ARAP2: variants seen among roughly 807,000 people sequenced by gnomAD.
ARAP2 encodes the protein arf-GAP with Rho-GAP domain, ANK repeat and PH domain-containing protein 2.
In ARAP2, 148 loss-of-function variants were observed where a neutral mutation model predicts 194.5. The ratio of observed to expected loss-of-function variants is 0.76; its 90% CI spans 0.67 to 0.87. The LOEUF (loss-of-function observed/expected upper bound fraction) is 0.87. Among genes scored for constraint, ARAP2 ranks in the 40% least tolerant of loss-of-function variants. The probability of loss-of-function intolerance (pLI) is 0.00; values close to 1 mark genes in which losing one functional copy is unlikely to be tolerated. For synonymous variants in ARAP2, 695 were observed against 683.5 expected (o/e 1.02, Z -0.26); for missense variants, 2,128 against 1,989.7 (o/e 1.07, Z -1.32).
intron 8 of ARAP2, among the ~76,000 whole-genome samples, chr4:36,182,558 A>G (rs1739544827): frequency 6.6e-6 from 1 of 152,068 alleles, no homozygotes; most frequent in Non-Finnish European, 1.5e-5. Flanking sequence ...TGGAGCGTAA[A>G]GTGAACTGAC....
At chr4:36,038,860 T>A (rs1418817173) in intron 5 of ARAP2, among the ~76,000 whole-genome samples, 2 of 152,208 alleles carry the variant, frequency 1.3e-5, no homozygotes, top group Non-Finnish European at 2.9e-5. Context: ...ATGTTAAGAA[T>A]GGAAAGCAAT....
chr4:36,018,555 C>T (rs879510949), intron 6 of ARAP2, among the ~76,000 whole-genome samples: 1 of 151,890 alleles, frequency 6.6e-6, no homozygotes, highest in Non-Finnish European at 1.5e-5. Context: ...TAAATGAGAG[C>T]ACCACCACAT....
At chr4:36,231,460 T>C (rs941654264) in intron 1 of ARAP2, among the ~76,000 whole-genome samples, 2 of 152,208 alleles carry the variant, frequency 1.3e-5, no homozygotes, top group African/African-American at 2.4e-5. Context: ...AACAAGTGTA[T>C]TGTCTATTTT....
chr4:36,057,075 T>C (rs1315526806), intron 2 of ARAP2, among the ~76,000 whole-genome samples: 1 of 151,728 alleles, frequency 6.6e-6, no homozygotes, highest in Admixed American at 6.6e-5. Flanking sequence ...CAGTGCAGCT[T>C]GACTGAGGAA....
Position 36,067,526 on chromosome 4 carries a change from A to C in ARAP2, c.*381T>G, listed in dbSNP as rs955741582. The C allele has an allele frequency of 1.3e-5, 2 of 156,094 alleles. No individual in the cohort carries two copies. Among genetic ancestry groups the C allele is most frequent in the South Asian group, 2.1e-4 (1 of 4,872 alleles). 9.7% of individuals were successfully genotyped at this position (156,094 alleles called of 1,614,324 possible). On this transcript the variant is annotated 3_prime_UTR_variant, in exon 33 of 33. Transcript: ENST00000303965. ...TACAAGGTTTCTCAAAGTGCAAAAT[A>C]TGTTACAGATAGTTTCTTAGGCTTC...
At chr4:36,172,997 T>C (rs995567672) in intron 9 of ARAP2, among the ~76,000 whole-genome samples, 1 of 152,122 alleles carries the variant, frequency 6.6e-6, no homozygotes, top group Non-Finnish European at 1.5e-5. Flanking sequence ...GAACATTATG[T>C]TGGGGGGGAA....
At position 36,067,851 on chromosome 4, in the gene ARAP2, A is replaced by C; in HGVS notation, c.*56T>G. The C allele has an allele frequency of 6.6e-7, 1 of 1,505,078 alleles. No homozygotes were observed. The highest frequency in any genetic ancestry group is 8.9e-7 in the Non-Finnish European group (1 of 1,125,686). 93.2% of individuals were successfully genotyped at this position (1,505,078 alleles called of 1,614,324 possible). ...TTATAGTTCAGTTTTGGAGTTACAC[A>C]TAAAGATTGCATACAATATTAAAAA... is the stretch of plus-strand genomic sequence containing the variant. On this transcript the variant is annotated 3_prime_UTR_variant, in exon 33 of 33. Transcript: ENST00000303965.
chr4:36,144,545 T>C (rs942580393), intron 19 of ARAP2, among the ~76,000 whole-genome samples: 8 of 151,656 alleles, frequency 5.3e-5, no homozygotes, highest in African/African-American at 1.5e-4. Flanking sequence ...TAAGTAAAAA[T>C]GCAAAGTCCT....
intron 1 of ARAP2, among the ~76,000 whole-genome samples, chr4:36,237,354 C>T (rs1752640064): frequency 6.6e-6 from 1 of 152,158 alleles, no homozygotes; most frequent in African/African-American, 2.4e-5. Flanking sequence ...TCTAGAAGTC[C>T]ACCTGATATG....
chr4:36,220,281 A>G lies in ARAP2; in HGVS notation c.906-5801T>C, dbSNP rs529117179. On this transcript the variant is annotated intron_variant, in intron 2 of 32. Coordinates refer to ENST00000303965, the MANE Select transcript of ARAP2 (RefSeq NM_015230.4). ...CATCCCCGGCACGTTTTGATCAATGACAGACTGAACATATGACAGTGATCC... is the reference window on the plus strand; with the variant it reads ...CATCCCCGGCACGTTTTGATCAATGGCAGACTGAACATATGACAGTGATCC... Among the ~76,000 whole-genome samples, 249 of 152,246 alleles carry G rather than the reference A, an allele frequency of 1.6e-3. 2 individuals carry two copies. The highest frequency in any genetic ancestry group is 2.9e-3 in the Non-Finnish European group (195 of 67,992).
At chr4:36,231,345 A>G (rs1751421388) in intron 1 of ARAP2, among the ~76,000 whole-genome samples, 1 of 151,918 alleles carries the variant, frequency 6.6e-6, no homozygotes, top group Non-Finnish European at 1.5e-5. Context: ...AAAAATAAAT[A>G]AATAAATAAA....
At chr4:36,189,406 G>A (rs1486805301) in intron 7 of ARAP2, among the ~76,000 whole-genome samples, 1 of 152,074 alleles carries the variant, frequency 6.6e-6, no homozygotes, top group African/African-American at 2.4e-5. Flanking sequence ...ATCTCTCTGT[G>A]TTGGAAACAT....
chr4:36,031,304 T>C (rs540660595), intron 5 of ARAP2, among the ~76,000 whole-genome samples: 30 of 152,232 alleles, frequency 2.0e-4, no homozygotes, highest in Non-Finnish European at 4.1e-4. Flanking sequence ...TGTCCTTGTA[T>C]ACAACCATTC....
chr4:36,014,288 A>AAG (rs1715229888), intron 8 of ARAP2, among the ~76,000 whole-genome samples: 1 of 134,832 alleles, frequency 7.4e-6, no homozygotes, highest in African/African-American at 2.7e-5. Context: ...AAAGAAAGAA[A>AAG]GAAAGAAAGA....
downstream of ARAP2, chr4:36,065,791 C>A (rs545396125): frequency 2.1e-4 from 32 of 152,626 alleles, 1 homozygote; most frequent in African/African-American, 7.2e-4. Flanking sequence ...CTCGTCAATA[C>A]AGGCCACAGA....
intron 2 of ARAP2, among the ~76,000 whole-genome samples, chr4:36,218,722 T>G (rs76046406): frequency 0.014 from 2,083 of 152,246 alleles, 46 homozygotes; most frequent in African/African-American, 0.041. Context: ...TAAATTTGAC[T>G]AAATTAAGAT....
chr4:36,175,874 AC>A (rs1450091978), intron 9 of ARAP2, among the ~76,000 whole-genome samples: 2 of 152,098 alleles, frequency 1.3e-5, no homozygotes, highest in Non-Finnish European at 2.9e-5. Flanking sequence ...CTATTATTGC[AC>A]TGACCTCACC....
chr4:36,092,328 G>A lies in ARAP2; in HGVS notation c.4286-308C>T, dbSNP rs995485880. On this transcript the variant is annotated intron_variant, in intron 27 of 32. Transcript: ENST00000303965. ...GACTTTATATGAAAAAATATATATC[G>A]GCTGGGCGCAGTGGCTCACACCTGT... Among the ~76,000 whole-genome samples, 7 of 152,184 alleles carry A rather than the reference G, an allele frequency of 4.6e-5. No homozygotes were observed. In the South Asian group the frequency reaches 1.2e-3, roughly 27 times the overall value.
chr4:36,053,321 TA>T (rs1385017627), intron 2 of ARAP2, among the ~76,000 whole-genome samples: 92 of 144,316 alleles, frequency 6.4e-4, no homozygotes, highest in Middle Eastern at 3.6e-3. Context: ...CAGTTTTTTA[TA>T]AAAAAAAAAA....
Sources: gnomAD v4.1 joint callset for allele counts (sites outside exome capture counted in the v4.1 genomes callset) on GRCh38, gnomAD v4.1.1 for gene constraint, MANE v1.5 for transcripts, NCBI Gene and HGNC (gene_info 2026-07-23, HGNC 2026-07-21) for gene names.